The following PACSIN1 variants were observed in gnomAD, a reference collection of about 807,000 sequenced individuals.
The protein encoded by PACSIN1 is protein kinase C and casein kinase substrate in neurons 1.
Under a neutral mutation model 59.5 loss-of-function variants are expected in PACSIN1, and 15 were observed. The observed-to-expected ratio is 0.25, with a 90% CI of 0.17 to 0.39. PACSIN1 has a LOEUF of 0.39. Ranked by LOEUF, PACSIN1 falls within the 10% of genes least tolerant of loss-of-function variation. PACSIN1 has a pLI of 1.00. For synonymous variants in PACSIN1, 210 were observed against 220.6 expected (o/e 0.95, Z 0.42); for missense variants, 420 against 580.2 (o/e 0.72, Z 2.84).
chr6:34,520,381 C>T (rs1767368341), intron 1 of PACSIN1, among the ~76,000 whole-genome samples: 2 of 152,166 alleles, frequency 1.3e-5, no homozygotes, highest in South Asian at 4.1e-4. Flanking sequence ...ATGTCCCTGT[C>T]CCTGAGCTGA....
chr6:34,524,098 G>C (rs1386026281), intron 1 of PACSIN1, among the ~76,000 whole-genome samples: 2 of 152,204 alleles, frequency 1.3e-5, no homozygotes, highest in Admixed American at 1.3e-4. Context: ...TCATCTGGAA[G>C]CTGGAGAGAC....
chr6:34,493,945 C>T (rs559576072), intron 1 of PACSIN1, among the ~76,000 whole-genome samples: 1 of 152,276 alleles, frequency 6.6e-6, no homozygotes, highest in South Asian at 2.1e-4. Flanking sequence ...CATTTCATGG[C>T]CTCCAATGCA....
intron 1 of PACSIN1, among the ~76,000 whole-genome samples, chr6:34,522,554 T>TGGATGGATGGATGAC (rs1767412162): frequency 6.6e-6 from 1 of 151,908 alleles, no homozygotes; most frequent in Non-Finnish European, 1.5e-5. Flanking sequence ...GGTGGATGGA[T>TGGATGGATGGATGAC]GGATGGATGG....
rs951750070 is a variant in PACSIN1 at position 34,533,864 on chromosome 6, G to T, written c.*1334G>T. Reference sequence around the variant, plus strand: ...GAGCAAAGGGCCCACCTGCTGGTTGGTGAAAGCAGTGGTGCCGGAGTGCTA... The same window carrying T: ...GAGCAAAGGGCCCACCTGCTGGTTGTTGAAAGCAGTGGTGCCGGAGTGCTA... On this transcript the variant is annotated 3_prime_UTR_variant, in exon 10 of 10. Transcript: ENST00000244458. 1.3e-5 allele frequency: 2 copies of T among 152,342 alleles called. No individual in the cohort carries two copies. The highest frequency in any genetic ancestry group is 1.3e-4 in the Admixed American group (2 of 15,290). The allele number at this position is 152,342 out of a possible 1,614,324, so 9.4% of individuals were successfully genotyped here. A position where few individuals can be genotyped will look rare whatever the true frequency, so the allele number is the denominator to read the frequency against.
intron 1 of PACSIN1, among the ~76,000 whole-genome samples, chr6:34,506,284 C>G (rs1401010961): frequency 3.3e-5 from 5 of 152,140 alleles, no homozygotes; most frequent in African/African-American, 1.2e-4. Context: ...ATGGCACAAT[C>G]ACAGTTCATT....
chr6:34,482,320 A>G (rs1268226126), intron 1 of PACSIN1, among the ~76,000 whole-genome samples: 1 of 152,142 alleles, frequency 6.6e-6, no homozygotes, highest in Admixed American at 6.5e-5. Context: ...CCCTGACCTC[A>G]GCTGATCTGC....
At chr6:34,476,877 C>T (rs1766645809) in intron 1 of PACSIN1, among the ~76,000 whole-genome samples, 1 of 152,192 alleles carries the variant, frequency 6.6e-6, no homozygotes, top group Admixed American at 6.5e-5. Flanking sequence ...CACAAAATTG[C>T]CACCTGAGGA....
intron 1 of PACSIN1, among the ~76,000 whole-genome samples, chr6:34,486,155 T>G (rs1333995158): frequency 7.8e-5 from 9 of 114,784 alleles, no homozygotes; most frequent in East Asian, 2.3e-4. Context: ...GACTAGGGGG[T>G]GAGGGGTGGA....
intron 1 of PACSIN1, among the ~76,000 whole-genome samples, chr6:34,504,978 GTTATTA>G (rs765883996): frequency 5.3e-5 from 8 of 150,948 alleles, no homozygotes; most frequent in Non-Finnish European, 1.0e-4. Flanking sequence ...GTTTTTCCCT[GTTATTA>G]TTATTATTAT....
chr6:34,497,742 C>A (rs1023608492), intron 1 of PACSIN1, among the ~76,000 whole-genome samples: 4 of 152,164 alleles, frequency 2.6e-5, no homozygotes, highest in South Asian at 2.1e-4. Flanking sequence ...CTTGAATGCA[C>A]CTGTCAAAGC....
intron 1 of PACSIN1, among the ~76,000 whole-genome samples, chr6:34,519,452 GAGGAAGCC>G (rs965690929): frequency 2.0e-5 from 3 of 152,178 alleles, no homozygotes; most frequent in African/African-American, 7.2e-5. Context: ...GAGAAAGCAA[GAGGAAGCC>G]AGGCCTGAGA....
Position 34,531,708 on chromosome 6 carries a change from G to T in PACSIN1, c.1146G>T (p.Glu382Asp), listed in dbSNP as rs769288368. 31 of 1,612,974 alleles carry T rather than the reference G, an allele frequency of 1.9e-5. No individual in the cohort carries two copies. The highest frequency in any genetic ancestry group is 2.5e-5 in the Non-Finnish European group (30 of 1,179,690). Residue 382 changes from glutamate to aspartate, a missense_variant, in exon 9 of 10, where the codon GAG (glutamate) becomes GAT (aspartate). Coordinates refer to ENST00000244458, the MANE Select transcript of PACSIN1 (RefSeq NM_020804.5). The surrounding 1 kb of genome is among the most constrained non-coding windows in gnomAD (Gnocchi z 4.4). ...CCAACGGGGGCGCCAACCCCTTTGA[G>T]GACGACTCCAAGGGAGTGCGCGTGC... ...SETNGGANPFEDDSKGVRVRA... is the reference protein window; with the variant it reads ...SETNGGANPFDDDSKGVRVRA...
intron 1 of PACSIN1, among the ~76,000 whole-genome samples, chr6:34,481,668 TAA>T (rs201102634): frequency 3.0e-4 from 40 of 135,214 alleles, no homozygotes; most frequent in Non-Finnish European, 2.7e-4. Context: ...AGACTCCATC[TAA>T]AAAAAAAAAA....
At chr6:34,513,739 G>A (rs945841784) in intron 1 of PACSIN1, among the ~76,000 whole-genome samples, 5 of 152,070 alleles carry the variant, frequency 3.3e-5, no homozygotes, top group Admixed American at 6.5e-5. Context: ...GTGAGGGAGG[G>A]TGGGCCCTGT....
rs1431989223 is a variant in PACSIN1 at position 34,488,131 on chromosome 6, C to G, written c.-64+21861C>G. ...ACCTCTGTTGGTCTGGGTGGCTTCCCTTTTGAGGGGACCTGGCCCCTCATG... is the reference window on the plus strand; with the variant it reads ...ACCTCTGTTGGTCTGGGTGGCTTCCGTTTTGAGGGGACCTGGCCCCTCATG... On this transcript the variant is annotated intron_variant, in intron 1 of 9. Coordinates refer to ENST00000244458, the MANE Select transcript of PACSIN1 (RefSeq NM_020804.5). This position sits in a 1 kb window ranked among gnomAD's most constrained non-coding sequence, Gnocchi z 4.7. Among the ~76,000 whole-genome samples, 1 of 152,122 alleles carries G rather than the reference C, an allele frequency of 6.6e-6. No homozygotes were observed. The highest frequency in any genetic ancestry group is 1.5e-5 in the Non-Finnish European group (1 of 68,022).
rs1417174586 is a variant in PACSIN1 at position 34,525,082 on chromosome 6, A to C, written c.-63-1161A>C. ...CTTATGAAGCAAGTACTGCTTTATA[A>C]GTGAAAAGTGCCAAGTTAAGAAAAG... On this transcript the variant is annotated intron_variant, in intron 1 of 9. Coordinates refer to ENST00000244458, the MANE Select transcript of PACSIN1 (RefSeq NM_020804.5). The surrounding 1 kb of genome is among the most constrained non-coding windows in gnomAD (Gnocchi z 4.9). Among the ~76,000 whole-genome samples the C allele has an allele frequency of 2.0e-5, 3 of 152,250 alleles. No homozygotes were observed. The highest frequency in any genetic ancestry group is 4.4e-5 in the Non-Finnish European group (3 of 68,040).
At position 34,521,839 on chromosome 6, in the gene PACSIN1, C is replaced by T. The variant is rs535688745; in HGVS notation, c.-63-4404C>T. 7.9e-5 allele frequency among the ~76,000 whole-genome samples: 12 copies of T among 152,216 alleles called. No individual in the cohort carries two copies. The East Asian group carries it at 2.1e-3, about 27-fold the overall frequency. On this transcript the variant is annotated intron_variant, in intron 1 of 9. Transcript: ENST00000244458. The surrounding 1 kb of genome is among the most constrained non-coding windows in gnomAD (Gnocchi z 4.3). ...CTTGCAACAGCCCATTTTACAGATG[C>T]GGACGCCGAGGCCTGGGAAGAGGGA... is the stretch of plus-strand genomic sequence containing the variant.
rs925899112 is a variant in PACSIN1, at chr6:34,493,496, A to G, written c.-64+27226A>G. ...AGTAGAGATTGCTGCATAGTTTTCA[A>G]CATGGCTGATCCCATTTTACAATCC... is the stretch of plus-strand genomic sequence containing the variant. On this transcript the variant is annotated intron_variant, in intron 1 of 9. Transcript: ENST00000244458. 5.9e-5 allele frequency among the ~76,000 whole-genome samples: 9 copies of G among 152,240 alleles called. No individual in the cohort carries two copies. The South Asian group carries it at 1.2e-3, about 21-fold the overall frequency.
rs1767596151 is a variant in PACSIN1 at position 34,531,670 on chromosome 6, G to A, written c.1108G>A (p.Gly370Arg). ...AGACGACGAGAGTGGGAACCCCTTTGGGGGCAGTGAGACCAACGGGGGCGC... is the reference window on the plus strand; with the variant it reads ...AGACGACGAGAGTGGGAACCCCTTTAGGGGCAGTGAGACCAACGGGGGCGC... ...WSDDESGNPF[G>R]GSETNGGANP... Residue 370 changes from glycine to arginine, a missense_variant, in exon 9 of 10, where the codon GGG becomes AGG. Physicochemically the swap from Gly to Arg is moderately radical, Grantham distance 125. Coordinates refer to ENST00000244458, the MANE Select transcript of PACSIN1 (RefSeq NM_020804.5). The surrounding 1 kb of genome is among the most constrained non-coding windows in gnomAD (Gnocchi z 4.4). 6.2e-7 allele frequency: 1 copy of A among 1,613,846 alleles called. No individual in the cohort carries two copies. Among genetic ancestry groups the A allele is most frequent in the African/African-American group, 1.3e-5 (1 of 74,922 alleles).
Sources: gnomAD v4.1 joint callset for allele counts (sites outside exome capture counted in the v4.1 genomes callset) on GRCh38, gnomAD v4.1.1 for gene constraint, Gnocchi (gnomAD v3.1) non-coding constraint, MANE v1.5 for transcripts, NCBI Gene and HGNC (gene_info 2026-07-23, HGNC 2026-07-21) for gene names.